The following PTPRJ variants were observed in gnomAD, a reference collection of about 807,000 sequenced individuals.
PTPRJ encodes protein tyrosine phosphatase receptor type J, also known as receptor-type tyrosine-protein phosphatase eta.
A neutral mutation model predicts 141.3 loss-of-function variants in PTPRJ; 129 were observed. That is an observed-to-expected ratio of 0.91 (90% confidence interval 0.79 to 1.06). PTPRJ has a LOEUF of 1.06. Among genes scored for constraint, PTPRJ ranks in the 50% least tolerant of loss-of-function variants. The pLI is 0.00. For synonymous variants in PTPRJ, 610 were observed against 640.5 expected (o/e 0.95, Z 0.72); for missense variants, 1,601 against 1,679.7 (o/e 0.95, Z 0.82).
intron 24 of PTPRJ, among the ~76,000 whole-genome samples, chr11:48,164,722 T>G (rs1264076391): frequency 6.6e-6 from 1 of 152,056 alleles, no homozygotes; most frequent in East Asian, 1.9e-4. Flanking sequence ...ACGCACACCA[T>G]GCCCAGCTAA....
At position 47,980,874 on chromosome 11, in the gene PTPRJ, G is replaced by T; in HGVS notation, c.-39G>T. On this transcript the variant is annotated 5_prime_UTR_variant, in exon 1 of 25. Coordinates refer to ENST00000418331, the MANE Select transcript of PTPRJ (RefSeq NM_002843.4). ...CGGGCTCGGGCGCACGGCGGGGCCC[G>T]ATTCGCGCGTCCGGGGCACGTTCCA... 1 of 1,106,206 alleles carries T rather than the reference G, an allele frequency of 9.0e-7. No individual in the cohort carries two copies. The highest frequency in any genetic ancestry group is 1.1e-6 in the Non-Finnish European group (1 of 909,098). The allele number at this position is 1,106,206 out of a possible 1,614,324, so 68.5% of individuals were successfully genotyped here.
intron 1 of PTPRJ, among the ~76,000 whole-genome samples, chr11:48,043,535 A>C (rs1854318864): frequency 6.6e-6 from 1 of 152,210 alleles, no homozygotes; most frequent in Admixed American, 6.5e-5. Context: ...CTTGAGAAGA[A>C]GTTCAGCGCT....
intron 14 of PTPRJ, 115 bp downstream of exon 14, chr11:48,145,239 A>G (rs1857323200): frequency 1.4e-6 from 2 of 1,416,862 alleles, no homozygotes; most frequent in African/African-American, 2.8e-5. Flanking sequence ...TGGTGTGCCC[A>G]GCTCTCCCCT....
chr11:48,065,747 A>G (rs2134265913), intron 1 of PTPRJ, among the ~76,000 whole-genome samples: 1 of 152,296 alleles, frequency 6.6e-6, no homozygotes, highest in Middle Eastern at 3.4e-3. Flanking sequence ...CACCCCAACC[A>G]TCCATTGTGT....
At chr11:48,124,848 A>T (rs141077644) in intron 5 of PTPRJ, 120 bp from the exon 6 acceptor site, 1 of 889,766 alleles carries the variant, frequency 1.1e-6, no homozygotes, top group Non-Finnish European at 1.8e-6. Flanking sequence ...GCAGATATTG[A>T]TGGAGCACCA....
intron 2 of PTPRJ, among the ~76,000 whole-genome samples, chr11:48,111,933 C>A (rs1000627849): frequency 6.6e-6 from 1 of 151,848 alleles, no homozygotes; most frequent in East Asian, 1.9e-4. Context: ...CAGAACTGAC[C>A]CCCTAGAGAG....
intron 8 of PTPRJ, chr11:48,132,078 A>G: frequency 1.1e-6 from 1 of 912,244 alleles, no homozygotes; most frequent in African/African-American, 1.8e-5. Flanking sequence ...AACTTTTAAG[A>G]TGGTAAAGAA....
rs140874449 is a variant in PTPRJ at position 48,155,825 on chromosome 11, C to T, written c.3254C>T (p.Ser1085Leu). 64 of 1,605,108 alleles carry T rather than the reference C, an allele frequency of 4.0e-5. No individual in the cohort carries two copies. The highest frequency in any genetic ancestry group is 1.6e-4 in the Middle Eastern group (1 of 6,068). Residue 1085 changes from serine to leucine, a missense_variant, in exon 20 of 25, where the codon TCG (serine) becomes TTG (leucine). By Grantham distance (145) the Ser-to-Leu change is moderately radical. Coordinates refer to ENST00000418331, the MANE Select transcript of PTPRJ (RefSeq NM_002843.4). ...LPYDISRVKLSVQTHSTDDYI... is the reference protein window; with the variant it reads ...LPYDISRVKLLVQTHSTDDYI... Reference sequence around the variant, plus strand: ...GATGATATTTCCCGTGTCAAACTTTCGGTCCAGACCCATTCAACGGATGAC... The same window carrying T: ...GATGATATTTCCCGTGTCAAACTTTTGGTCCAGACCCATTCAACGGATGAC...
intron 1 of PTPRJ, among the ~76,000 whole-genome samples, chr11:48,044,536 A>G (rs1037998669): frequency 6.6e-6 from 1 of 152,182 alleles, no homozygotes; most frequent in Non-Finnish European, 1.5e-5. Context: ...TTAACTTTTC[A>G]TATGTAACAA....
At chr11:48,092,337 G>A (rs1855892586) in intron 1 of PTPRJ, among the ~76,000 whole-genome samples, 1 of 147,658 alleles carries the variant, frequency 6.8e-6, no homozygotes, top group African/African-American at 2.5e-5. Context: ...AAAAAGAAAT[G>A]CAGGTAGGTG....
intron 1 of PTPRJ, among the ~76,000 whole-genome samples, chr11:47,994,697 A>T (rs1244615346): frequency 6.6e-6 from 1 of 151,762 alleles, no homozygotes; most frequent in East Asian, 1.9e-4. Flanking sequence ...ATAAAATAAA[A>T]AAACAATTGA....
intron 1 of PTPRJ, among the ~76,000 whole-genome samples, chr11:48,010,137 C>T (rs1233335337): frequency 1.3e-5 from 2 of 152,128 alleles, no homozygotes; most frequent in Non-Finnish European, 2.9e-5. Context: ...GGACATCGTG[C>T]CACAGGGCCT....
rs1209718137 is a variant in PTPRJ at position 48,092,226 on chromosome 11, C to CG, written c.97-17827dup. Among the ~76,000 whole-genome samples the CG allele has an allele frequency of 2.5e-5, 3 of 118,786 alleles. No individual in the cohort carries two copies. The Admixed American group carries it at 3.5e-4, about 14-fold the overall frequency. 77.9% of individuals were successfully genotyped at this position (118,786 alleles called of 152,430 possible). On this transcript the variant is annotated intron_variant, in intron 1 of 24. Transcript: ENST00000418331. ...AAAAGAATTGCTTGAACCTGGGAGGCGGGGGTTGCAGTGAGCCGACATCGC... is the reference window on the plus strand; with the variant it reads ...AAAAGAATTGCTTGAACCTGGGAGGCGGGGGGTTGCAGTGAGCCGACATCGC...
At chr11:48,031,487 A>G (rs1002785132) in intron 1 of PTPRJ, among the ~76,000 whole-genome samples, 19 of 152,346 alleles carry the variant, frequency 1.2e-4, no homozygotes, top group African/African-American at 4.3e-4. Flanking sequence ...TGAATACTTT[A>G]TGTGGCTGAG....
intron 1 of PTPRJ, among the ~76,000 whole-genome samples, chr11:48,088,141 A>G (rs1329688580): frequency 2.0e-5 from 3 of 152,130 alleles, no homozygotes; most frequent in Non-Finnish European, 4.4e-5. Flanking sequence ...CCCAGGGTCA[A>G]ATGCTGTGTA....
intron 8 of PTPRJ, among the ~76,000 whole-genome samples, chr11:48,134,894 C>T (rs1295117550): frequency 2.6e-5 from 4 of 152,190 alleles, no homozygotes; most frequent in Admixed American, 6.5e-5. Context: ...CATCCGTCCT[C>T]AAATGCTGCA....
Position 48,013,781 on chromosome 11 carries a change from G to T in PTPRJ, c.96+32773G>T, listed in dbSNP as rs572033067. Among the ~76,000 whole-genome samples the T allele has an allele frequency of 9.2e-5, 14 of 152,250 alleles. No individual in the cohort carries two copies. In the East Asian group the frequency reaches 2.7e-3, roughly 29 times the overall value. On this transcript the variant is annotated intron_variant, in intron 1 of 24. Coordinates refer to ENST00000418331, the MANE Select transcript of PTPRJ (RefSeq NM_002843.4). ...TGATGCACCCTGTGGGCGGCCACCT[G>T]GGGACTCAGGACATGCACCCAGATC...
At chr11:48,142,738 G>C (rs1028532992) in intron 11 of PTPRJ, among the ~76,000 whole-genome samples, 181 bp from the exon 12 acceptor site, 5 of 152,230 alleles carry the variant, frequency 3.3e-5, no homozygotes, top group Admixed American at 6.5e-5. Flanking sequence ...AGGATCTGCT[G>C]TCTCTGCTCC....
At chr11:48,001,940 T>G (rs1254895570) in intron 1 of PTPRJ, among the ~76,000 whole-genome samples, 13 of 151,822 alleles carry the variant, frequency 8.6e-5, no homozygotes, top group African/African-American at 3.2e-4. Context: ...TCTGACTGTT[T>G]TGTTGTTCAA....
Sources: gnomAD v4.1 joint callset for allele counts (sites outside exome capture counted in the v4.1 genomes callset) on GRCh38, gnomAD v4.1.1 for gene constraint, MANE v1.5 for transcripts, NCBI Gene and HGNC (gene_info 2026-07-23, HGNC 2026-07-21) for gene names.